Variants in SSBP3 observed in about 807,000 individuals in gnomAD.
SSBP3 encodes single stranded DNA binding protein 3, also known as single-stranded DNA-binding protein 3.
A neutral mutation model predicts 69.6 loss-of-function variants in SSBP3; 5 were observed. The observed-to-expected ratio is 0.07, with a 90% CI of 0.04 to 0.15. The LOEUF is 0.15. SSBP3 is among the 10% of genes least tolerant of loss of function. The probability of loss-of-function intolerance (pLI) is 1.00; values close to 1 mark genes in which losing one functional copy is unlikely to be tolerated. For synonymous variants in SSBP3, 196 were observed against 193.4 expected, an observed-to-expected ratio of 1.01 and a Z score of -0.11; for missense variants, 312 against 534.0, an observed-to-expected ratio of 0.58 and a Z score of 4.10.
chr1:54,403,981 A>C (rs984761376), intron 3 of SSBP3, among the ~76,000 whole-genome samples: 14 of 134,126 alleles, frequency 1.0e-4, no homozygotes, highest in African/African-American at 3.6e-4. Flanking sequence ...CTGACCAGTT[A>C]AGGTTCTGCG....
chr1:54,399,499 C>T (rs903698806), intron 4 of SSBP3, among the ~76,000 whole-genome samples: 4 of 152,286 alleles, frequency 2.6e-5, no homozygotes, highest in African/African-American at 9.6e-5. Context: ...GCCTGGCACA[C>T]GGAAAGCTGC....
chr1:54,328,536 C>T (rs2100431990), intron 4 of SSBP3, among the ~76,000 whole-genome samples: 1 of 152,342 alleles, frequency 6.6e-6, no homozygotes, highest in South Asian at 2.1e-4. Flanking sequence ...GCAATCCCAG[C>T]AGCTCTCGCT....
At chr1:54,238,869 G>A (rs1161911862) in intron 14 of SSBP3, 1 of 407,902 alleles carries the variant, frequency 2.5e-6, no homozygotes, top group Non-Finnish European at 4.7e-6. Context: ...GGCAGGAGGT[G>A]GCAAGTCCCA....
intron 14 of SSBP3, chr1:54,236,884 G>C (rs1237198028): frequency 6.6e-6 from 1 of 152,178 alleles, no homozygotes; most frequent in African/African-American, 2.4e-5. Flanking sequence ...TGACAGTGTC[G>C]GGTACGAGGT....
intron 4 of SSBP3, among the ~76,000 whole-genome samples, chr1:54,283,828 G>A (rs561568993): frequency 2.6e-5 from 4 of 152,266 alleles, no homozygotes; most frequent in East Asian, 3.9e-4. Context: ...GCCCCTGCCC[G>A]GCACTATCTG....
chr1:54,391,091 TC>T (rs762786659), intron 4 of SSBP3, among the ~76,000 whole-genome samples: 1 of 152,194 alleles, frequency 6.6e-6, no homozygotes, highest in Non-Finnish European at 1.5e-5. Context: ...GTGGAGGTTT[TC>T]TCAAGTCAGT....
intron 4 of SSBP3, among the ~76,000 whole-genome samples, chr1:54,301,210 C>A (rs879396345): frequency 4.6e-5 from 7 of 152,206 alleles, no homozygotes; most frequent in Admixed American, 4.6e-4. Flanking sequence ...TATTAATTCT[C>A]TGCCAACAGT....
chr1:54,363,444 T>A (rs78672781), intron 4 of SSBP3, among the ~76,000 whole-genome samples: 129 of 152,346 alleles, frequency 8.5e-4, no homozygotes, highest in African/African-American at 3.0e-3. Flanking sequence ...CAGATGACTA[T>A]GCTACCAAAT....
At chr1:54,352,097 ACCTAACTGGGCAATATAGTGAGAC>A (rs1167767540) in intron 4 of SSBP3, among the ~76,000 whole-genome samples, 1 of 152,032 alleles carries the variant, frequency 6.6e-6, no homozygotes, top group African/African-American at 2.4e-5. Context: ...GGAGTTTAAG[ACCTAACTGGGCAATATAGTGAGAC>A]CCTATCTCTA....
At chr1:54,390,491 T>C (rs1183194289) in intron 4 of SSBP3, among the ~76,000 whole-genome samples, 2 of 152,214 alleles carry the variant, frequency 1.3e-5, no homozygotes, top group African/African-American at 4.8e-5. Context: ...TTTCTGTAGC[T>C]TGGGGTCAGA....
In SSBP3 at chr1:54,388,133, AT is replaced by A. The variant is rs907384251; in HGVS notation, c.276+13727del. On this transcript the variant is annotated intron_variant, in intron 4 of 17. Transcript: ENST00000610401. ...CACCGAGAAGCAAACTGTCACTGAC[AT>A]TTTTTTTTAAGACACACGTTTACAG... Among the ~76,000 whole-genome samples the A allele has an allele frequency of 4.6e-5, 7 of 151,744 alleles. No homozygotes were observed. The East Asian group carries it at 1.2e-3, about 25-fold the overall frequency.
intron 4 of SSBP3, chr1:54,326,370 TTCCTC>T (rs748935958): frequency 1.3e-5 from 2 of 152,788 alleles, no homozygotes; most frequent in Non-Finnish European, 2.9e-5. Context: ...CCCGCATCCC[TTCCTC>T]TTTGCAGCCA....
chr1:54,406,574 G>A (rs186280285), upstream of SSBP3, among the ~76,000 whole-genome samples: 1,864 of 151,880 alleles, frequency 0.012, 39 homozygotes, highest in African/African-American at 0.041. Flanking sequence ...CCGCGGAGCC[G>A]CTGCCTGCTC....
chr1:54,334,623 G>A (rs1017571890), intron 4 of SSBP3, among the ~76,000 whole-genome samples: 2 of 152,172 alleles, frequency 1.3e-5, no homozygotes, highest in Non-Finnish European at 2.9e-5. Flanking sequence ...CAAAATAGGA[G>A]GATCATATGA....
chr1:54,371,188 G>A (rs1336093087), intron 4 of SSBP3, among the ~76,000 whole-genome samples: 1 of 152,236 alleles, frequency 6.6e-6, no homozygotes, highest in African/African-American at 2.4e-5. Flanking sequence ...TCGCCCTGCA[G>A]GCAAACACTA....
chr1:54,242,383 G>T (rs1349665864), intron 10 of SSBP3, among the ~76,000 whole-genome samples, 171 bp from the exon 11 acceptor site: 1 of 152,202 alleles, frequency 6.6e-6, no homozygotes, highest in Non-Finnish European at 1.5e-5. Context: ...TTCATGGGTG[G>T]AAATCTATGA....
At chr1:54,339,187 T>A (rs1384980785) in intron 4 of SSBP3, among the ~76,000 whole-genome samples, 1 of 151,942 alleles carries the variant, frequency 6.6e-6, no homozygotes, top group African/African-American at 2.4e-5. Context: ...AGAAAAAGAA[T>A]AGGAAATGGG....
chr1:54,228,163 C>G (rs1276308197), intron 17 of SSBP3, 92 bp downstream of exon 17: 11 of 1,166,972 alleles, frequency 9.4e-6, no homozygotes, highest in Admixed American at 5.1e-5. Flanking sequence ...GCTTAGCTGG[C>G]AGGCTGCAGC....
At chr1:54,278,691 C>T (rs1414404846) in intron 5 of SSBP3, among the ~76,000 whole-genome samples, 1 of 152,220 alleles carries the variant, frequency 6.6e-6, no homozygotes, top group Non-Finnish European at 1.5e-5. Flanking sequence ...CTGGGCTGGC[C>T]ACCCTAGGCC....
Sources: allele counts gnomAD v4.1 joint callset (sites outside exome capture counted in the v4.1 genomes callset), GRCh38; gene constraint gnomAD v4.1.1; transcripts MANE v1.5; gene names NCBI Gene and HGNC (gene_info 2026-07-23, HGNC 2026-07-21).